The following BCAS3 variants were observed in gnomAD, a reference collection of about 807,000 sequenced individuals.
The protein encoded by BCAS3 is BCAS3 microtubule associated cell migration factor, also known as BCAS4/BCAS3 fusion.
BCAS3 carries 53 observed loss-of-function variants against 116.1 expected under a neutral mutation model. The ratio of observed to expected loss-of-function variants is 0.46; its 90% CI spans 0.37 to 0.57. The LOEUF is 0.57. Ranked by LOEUF, BCAS3 falls within the 20% of genes least tolerant of loss-of-function variation. The probability of loss-of-function intolerance (pLI) is 0.00; values close to 1 mark genes in which losing one functional copy is unlikely to be tolerated. For synonymous variants in BCAS3, 391 were observed against 408.2 expected (o/e 0.96, Z 0.51); for missense variants, 917 against 1,165.4 (o/e 0.79, Z 3.10).
intron 6 of BCAS3, among the ~76,000 whole-genome samples, chr17:60,763,407 T>G (rs1428107324): frequency 6.6e-6 from 1 of 152,148 alleles, no homozygotes; most frequent in East Asian, 1.9e-4. Context: ...TAGCATGAAG[T>G]GCTGTCGAAT....
At chr17:61,018,092 A>G (rs986086960) in intron 16 of BCAS3, among the ~76,000 whole-genome samples, 1 of 152,104 alleles carries the variant, frequency 6.6e-6, no homozygotes, top group Non-Finnish European at 1.5e-5. Context: ...TAGGCTTTGT[A>G]TCTCAATTTA....
rs371260723 is a variant in BCAS3 at position 60,902,641 on chromosome 17, C to T, written c.760C>T (p.Arg254Cys). 2.2e-5 allele frequency: 35 copies of T among 1,612,282 alleles called. No homozygotes were observed. Among genetic ancestry groups the T allele is most frequent in the Non-Finnish European group, 2.9e-5 (34 of 1,178,472 alleles). ...TCAGTTGATTCGATGTCATCAGTCC[C>T]GTGGTGGAGCCTGTGGAGACAACAT... ...ENKLIRCHQSRGGACGDNIQS... is the reference protein window; with the variant it reads ...ENKLIRCHQSCGGACGDNIQS... The change falls in exon 11 of 24, where the codon CGT becomes TGT. Residue 254 changes from arginine (R) to cysteine (C), a missense_variant. By Grantham distance (180) the Arg-to-Cys change is radical (BLOSUM62 -3). This residue lies in a region of BCAS3 where 807 missense variants were observed against 1,026.0 expected (regional missense o/e 0.79). Transcript: ENST00000407086.
Position 60,830,850 on chromosome 17 carries a change from G to GT in BCAS3, c.476+22789dup, listed in dbSNP as rs200560565. Among the ~76,000 whole-genome samples, 701 of 139,492 alleles carry GT rather than the reference G, an allele frequency of 5.0e-3. 4 individuals carry two copies. Among genetic ancestry groups the GT allele is most frequent in the South Asian group, 0.02 (87 of 4,266 alleles). The allele number at this position is 139,492 out of a possible 152,430, so 91.5% of individuals were successfully genotyped here. A position where few individuals can be genotyped will look rare whatever the true frequency, so the allele number is the denominator to read the frequency against. On this transcript the variant is annotated intron_variant, in intron 7 of 23. Coordinates refer to ENST00000407086, the MANE Select transcript of BCAS3 (RefSeq NM_017679.5). ...TCTAGAGCCAAGATTTAATTTTTGG[G>GT]TTTTTTTTTTTTTTTAAATAAACAT...
At chr17:61,311,573 T>C (rs1418500040) in intron 22 of BCAS3, among the ~76,000 whole-genome samples, 1 of 152,118 alleles carries the variant, frequency 6.6e-6, no homozygotes, top group Admixed American at 6.6e-5. Context: ...ACTTGGGGGG[T>C]AAATTGTTGC....
intron 22 of BCAS3, among the ~76,000 whole-genome samples, chr17:61,301,944 ATATT>A (rs1489355895): frequency 6.6e-6 from 1 of 152,212 alleles, no homozygotes; most frequent in East Asian, 1.9e-4. Context: ...AAATGTCTGC[ATATT>A]TTCATATCAA....
chr17:60,707,085 G>A (rs1204519912), intron 4 of BCAS3, among the ~76,000 whole-genome samples: 3 of 151,744 alleles, frequency 2.0e-5, no homozygotes, highest in African/African-American at 7.3e-5. Flanking sequence ...TCTGCCTCCT[G>A]GGTTCAAGCC....
chr17:60,939,243 C>G (rs2060102278), intron 13 of BCAS3, among the ~76,000 whole-genome samples: 1 of 152,020 alleles, frequency 6.6e-6, no homozygotes, highest in Non-Finnish European at 1.5e-5. Context: ...CCAGCCTCGT[C>G]AACATGGTGA....
In BCAS3 at chr17:61,350,786, C is replaced by A. The variant is rs182141463; in HGVS notation, c.2426-17541C>A. On this transcript the variant is annotated intron_variant, in intron 22 of 23. Transcript: ENST00000407086. ...TAGCTGGGACTACAAGCATGTGCCA[C>A]CACACCTGGCTACTTTTTTCTATTT... 4.6e-5 allele frequency among the ~76,000 whole-genome samples: 7 copies of A among 152,238 alleles called. No individual in the cohort carries two copies. The South Asian group carries it at 1.5e-3, about 32-fold the overall frequency.
chr17:60,933,526 C>T (rs1346749917), intron 13 of BCAS3, among the ~76,000 whole-genome samples: 1 of 151,954 alleles, frequency 6.6e-6, no homozygotes, highest in African/African-American at 2.4e-5. Flanking sequence ...AAATATGTAC[C>T]CCTTTAGATG....
At chr17:60,866,132 A>ATT (rs1406930410) in intron 7 of BCAS3, among the ~76,000 whole-genome samples, 2 of 142,666 alleles carry the variant, frequency 1.4e-5, no homozygotes, top group Admixed American at 7.1e-5. Flanking sequence ...TTATTTGCTA[A>ATT]TTTTTTTTTT....
chr17:61,331,879 T>A (rs1223919785), intron 22 of BCAS3, among the ~76,000 whole-genome samples: 3 of 152,114 alleles, frequency 2.0e-5, no homozygotes, highest in Non-Finnish European at 4.4e-5. Flanking sequence ...CCTCAGCCCA[T>A]CACCAGGGCT....
At chr17:60,757,181 C>T (rs927788070) in intron 6 of BCAS3, among the ~76,000 whole-genome samples, 1 of 151,012 alleles carries the variant, frequency 6.6e-6, no homozygotes, top group African/African-American at 2.4e-5. Flanking sequence ...AAAAGGAGTT[C>T]CCTTCTAAAT....
chr17:60,978,422 G>A (rs1294519383), intron 14 of BCAS3, among the ~76,000 whole-genome samples: 1 of 150,944 alleles, frequency 6.6e-6, no homozygotes, highest in East Asian at 1.9e-4. Flanking sequence ...AGATGAGTAG[G>A]TTGCGAAAAT....
intron 13 of BCAS3, 132 bp from the exon 14 acceptor site, chr17:60,947,087 T>C: frequency 1.1e-6 from 1 of 883,500 alleles, no homozygotes; most frequent in South Asian, 1.9e-5. Flanking sequence ...TTTTTTCTTT[T>C]GTAAAGTTTC....
intron 22 of BCAS3, among the ~76,000 whole-genome samples, chr17:61,312,529 T>C (rs2054396192): frequency 1.3e-5 from 2 of 152,230 alleles, no homozygotes; most frequent in Admixed American, 1.3e-4. Flanking sequence ...CAGACGTTCA[T>C]GTCTTCTTGC....
At chr17:60,789,971 T>G (rs2046617101) in intron 6 of BCAS3, among the ~76,000 whole-genome samples, 1 of 152,160 alleles carries the variant, frequency 6.6e-6, no homozygotes, top group Admixed American at 6.5e-5. Context: ...TTCTGGATGG[T>G]CTGCCTTATA....
chr17:60,820,868 G>C (rs1178689651), intron 7 of BCAS3, among the ~76,000 whole-genome samples: 3 of 152,160 alleles, frequency 2.0e-5, no homozygotes, highest in Non-Finnish European at 4.4e-5. Flanking sequence ...ACATTCAGTT[G>C]ATCTAATGTA....
At chr17:61,038,189 T>A in intron 18 of BCAS3, 135 bp downstream of exon 18, 1 of 737,252 alleles carries the variant, frequency 1.4e-6, no homozygotes, top group Non-Finnish European at 2.1e-6. Flanking sequence ...AACAAATACA[T>A]CACTCTCAAA....
intron 6 of BCAS3, 67 bp from the exon 7 acceptor site, chr17:60,807,937 T>A: frequency 2.6e-6 from 3 of 1,140,768 alleles, no homozygotes; most frequent in Non-Finnish European, 3.9e-6. Flanking sequence ...TTTGAAAGCA[T>A]GAAAATAGTG....
Sources: gnomAD v4.1 joint callset for allele counts (sites outside exome capture counted in the v4.1 genomes callset) on GRCh38, gnomAD v4.1.1 for gene constraint, gnomAD v4.1.1 regional missense constraint, MANE v1.5 for transcripts, NCBI Gene and HGNC (gene_info 2026-07-23, HGNC 2026-07-21) for gene names.